Variants in VPS13B observed in about 807,000 individuals in gnomAD.
VPS13B encodes vacuolar protein sorting 13 homolog B, also known as intermembrane lipid transfer protein VPS13B.
VPS13B carries 285 observed loss-of-function variants against 426.4 expected under a neutral mutation model. That is an observed-to-expected ratio of 0.67 (90% CI 0.61 to 0.74). The LOEUF is 0.74. Ranked by LOEUF, VPS13B falls within the 30% of genes least tolerant of loss-of-function variation. The probability of loss-of-function intolerance (pLI) is 0.00; values close to 1 mark genes in which losing one functional copy is unlikely to be tolerated. For missense variants in VPS13B, 4,537 were observed against 4,782.6 expected (o/e 0.95, Z 1.51); for synonymous variants, 1,676 against 1,676.4 (o/e 1.00, Z 0.01).
At chr8:99,845,131 G>T (rs990205831) in intron 54 of VPS13B, among the ~76,000 whole-genome samples, 2 of 152,142 alleles carry the variant, frequency 1.3e-5, no homozygotes, top group African/African-American at 4.8e-5. Flanking sequence ...TTAAGCCAGG[G>T]TCTCCTGTTG....
chr8:99,534,814 T>C (rs1823115358), intron 30 of VPS13B, among the ~76,000 whole-genome samples: 1 of 152,124 alleles, frequency 6.6e-6, no homozygotes. Context: ...ATAACAAAGA[T>C]CAAATATTGT....
chr8:99,855,739 C>T (rs1270565792), intron 56 of VPS13B, among the ~76,000 whole-genome samples: 3 of 152,174 alleles, frequency 2.0e-5, no homozygotes, highest in Non-Finnish European at 2.9e-5. Context: ...AATTCATAGA[C>T]TTACTAGGGT....
chr8:99,118,744 A>G (rs976734987), intron 7 of VPS13B, among the ~76,000 whole-genome samples: 5 of 152,190 alleles, frequency 3.3e-5, no homozygotes, highest in African/African-American at 1.2e-4. Flanking sequence ...TGCTACATAC[A>G]CTGTATGAAT....
chr8:99,346,855 T>C (rs1234777927), intron 19 of VPS13B: 1 of 152,432 alleles, frequency 6.6e-6, no homozygotes, highest in Non-Finnish European at 1.5e-5. Context: ...AGTAAATCTC[T>C]TGGTTGAAGT....
intron 20 of VPS13B, among the ~76,000 whole-genome samples, chr8:99,386,056 C>T (rs1814104692): frequency 6.6e-6 from 1 of 152,090 alleles, no homozygotes; most frequent in Non-Finnish European, 1.5e-5. Flanking sequence ...TTTACTCTAG[C>T]AGAATATAGA....
At chr8:99,710,754 G>T (rs1357620171) in intron 36 of VPS13B, among the ~76,000 whole-genome samples, 1 of 151,746 alleles carries the variant, frequency 6.6e-6, no homozygotes, top group African/African-American at 2.4e-5. Context: ...CACTTTGGGA[G>T]GCCAAGGTGG....
rs76593328 is a variant in VPS13B at position 99,395,728 on chromosome 8, A to G, written c.3082+4024A>G. On this transcript the variant is annotated intron_variant, in intron 21 of 61. Coordinates refer to ENST00000357162, the MANE Select transcript of VPS13B (RefSeq NM_152564.5). The stretch of plus-strand genomic sequence containing the variant: ...TTCAATAAAAAATTACTAGAGGTGC[A>G]AAGGAGTGAGAACTACAAACAGGAG... Among the ~76,000 whole-genome samples, 10 of 152,320 alleles carry G rather than the reference A, an allele frequency of 6.6e-5. No individual in the cohort carries two copies. The East Asian group carries it at 1.2e-3, about 18-fold the overall frequency.
At chr8:99,283,437 C>T (rs1279963132) in intron 19 of VPS13B, among the ~76,000 whole-genome samples, 1 of 152,184 alleles carries the variant, frequency 6.6e-6, no homozygotes. Flanking sequence ...GATGACAGAG[C>T]TTGCCTGAAT....
intron 2 of VPS13B, among the ~76,000 whole-genome samples, chr8:99,024,116 C>T (rs531801219): frequency 1.3e-5 from 2 of 152,054 alleles, no homozygotes; most frequent in Admixed American, 6.5e-5. Context: ...TGATATGATA[C>T]CTTATTGTGG....
chr8:99,553,520 T>A (rs1824388853), intron 30 of VPS13B, among the ~76,000 whole-genome samples: 1 of 152,154 alleles, frequency 6.6e-6, no homozygotes, highest in African/African-American at 2.4e-5. Flanking sequence ...ACTTCCATAA[T>A]AGTCATAAAA....
chr8:99,760,841 G>A (rs1482669678), intron 39 of VPS13B, among the ~76,000 whole-genome samples: 4 of 152,134 alleles, frequency 2.6e-5, no homozygotes, highest in Non-Finnish European at 5.9e-5. Flanking sequence ...ACAATACAGT[G>A]TAACAACTAT....
intron 30 of VPS13B, among the ~76,000 whole-genome samples, chr8:99,552,095 A>T (rs941946695): frequency 2.0e-5 from 3 of 151,476 alleles, no homozygotes; most frequent in South Asian, 2.1e-4. Flanking sequence ...TAAATTCTGG[A>T]TTTCATTGGA....
intron 33 of VPS13B, among the ~76,000 whole-genome samples, chr8:99,638,731 A>T (rs1281279041): frequency 5.3e-5 from 8 of 152,200 alleles, no homozygotes; most frequent in Admixed American, 3.9e-4. Flanking sequence ...GAGTATGCAG[A>T]TCAGGAAAGA....
intron 43 of VPS13B, among the ~76,000 whole-genome samples, chr8:99,806,113 C>T (rs1813384909): frequency 6.6e-6 from 1 of 152,224 alleles, no homozygotes; most frequent in South Asian, 2.1e-4. Context: ...TCTTTGTCAG[C>T]ACATTGCTCA....
rs1276511566 is a variant in VPS13B at position 99,147,829 on chromosome 8, T to A, written c.1844-12T>A. On this transcript the variant is annotated splice_polypyrimidine_tract_variant and intron_variant, in intron 13 of 61. Coordinates refer to ENST00000357162, the MANE Select transcript of VPS13B (RefSeq NM_152564.5). Reference sequence around the variant, plus strand: ...AATATTCTTTATTAATTTTTTATCATTTTAATTTTAGATATTAAGGATGAA... The same window carrying A: ...AATATTCTTTATTAATTTTTTATCAATTTAATTTTAGATATTAAGGATGAA... The A allele has an allele frequency of 2.3e-5, 33 of 1,439,824 alleles. No homozygotes were observed. Among genetic ancestry groups the A allele is most frequent in the Non-Finnish European group, 2.9e-5 (32 of 1,085,338 alleles). 89.2% of individuals were successfully genotyped at this position (1,439,824 alleles called of 1,614,324 possible).
chr8:99,595,517 C>G (rs1038854845), intron 33 of VPS13B, among the ~76,000 whole-genome samples: 3 of 151,714 alleles, frequency 2.0e-5, no homozygotes, highest in African/African-American at 7.3e-5. Context: ...CTATAAAAAT[C>G]CTTGAAGAAA....
chr8:99,555,446 A>G (rs1278371021), intron 30 of VPS13B, among the ~76,000 whole-genome samples: 1 of 152,110 alleles, frequency 6.6e-6, no homozygotes, highest in Non-Finnish European at 1.5e-5. Context: ...AATGTCTGTA[A>G]TTGAAGCTTT....
chr8:99,193,471 G>A (rs1277012350), intron 17 of VPS13B, among the ~76,000 whole-genome samples: 3 of 151,994 alleles, frequency 2.0e-5, no homozygotes, highest in Non-Finnish European at 4.4e-5. Context: ...TGTGTGAAAA[G>A]CATTAATCTG....
intron 19 of VPS13B, among the ~76,000 whole-genome samples, chr8:99,282,935 A>G (rs1040474759): frequency 6.6e-6 from 1 of 152,208 alleles, no homozygotes; most frequent in African/African-American, 2.4e-5. Context: ...ATTGGAAAGG[A>G]AAGCCACAAT....
Sources: gnomAD v4.1 joint callset for allele counts (sites outside exome capture counted in the v4.1 genomes callset) on GRCh38, gnomAD v4.1.1 for gene constraint, MANE v1.5 for transcripts, NCBI Gene and HGNC (gene_info 2026-07-23, HGNC 2026-07-21) for gene names.